The following NRG3 variants were observed in gnomAD, a reference collection of about 807,000 sequenced individuals.
NRG3 encodes the protein pro-neuregulin-3, membrane-bound isoform.
In NRG3, 31 loss-of-function variants were observed where a neutral mutation model predicts 66.9. That is an observed-to-expected ratio of 0.46 (90% CI 0.35 to 0.63). NRG3 has a LOEUF of 0.63. NRG3 is among the 20% of genes least tolerant of loss of function. The pLI is 0.00. For synonymous variants in NRG3, 393 were observed against 359.4 expected (o/e 1.09, Z -1.06); for missense variants, 910 against 878.9 (o/e 1.04, Z -0.45).
intron 3 of NRG3, among the ~76,000 whole-genome samples, chr10:82,785,867 A>G (rs1332429707): frequency 6.6e-6 from 1 of 152,198 alleles, no homozygotes; most frequent in Non-Finnish European, 1.5e-5. Context: ...GTGTTTGCTA[A>G]AGAGATTTAT....
chr10:82,816,383 C>T (rs2061704332), intron 3 of NRG3, among the ~76,000 whole-genome samples: 1 of 152,190 alleles, frequency 6.6e-6, no homozygotes, highest in Non-Finnish European at 1.5e-5. Context: ...GGCAGGTCAT[C>T]CCGATGAGTG....
intron 1 of NRG3, among the ~76,000 whole-genome samples, chr10:81,992,123 T>C (rs2060766183): frequency 6.6e-6 from 1 of 152,144 alleles, no homozygotes. Context: ...TGTCATTTTT[T>C]CATTACTGTA....
intron 1 of NRG3, among the ~76,000 whole-genome samples, chr10:82,294,074 C>G (rs1003057511): frequency 2.0e-5 from 3 of 152,072 alleles, no homozygotes; most frequent in Admixed American, 2.0e-4. Context: ...GAGAAGTATC[C>G]CATCCTATGC....
chr10:82,051,161 T>C (rs954860716), intron 1 of NRG3, among the ~76,000 whole-genome samples: 1 of 152,112 alleles, frequency 6.6e-6, no homozygotes, highest in Non-Finnish European at 1.5e-5. Flanking sequence ...TAGTTAGTAA[T>C]TGATTTTTTG....
At chr10:81,933,583 T>C (rs1002683711) in intron 1 of NRG3, among the ~76,000 whole-genome samples, 23 of 152,186 alleles carry the variant, frequency 1.5e-4, no homozygotes, top group African/African-American at 5.1e-4. Context: ...GATTCAATTA[T>C]TTTGATAATT....
intron 3 of NRG3, among the ~76,000 whole-genome samples, chr10:82,773,803 C>G (rs1409514110): frequency 6.6e-6 from 1 of 152,132 alleles, no homozygotes; most frequent in Non-Finnish European, 1.5e-5. Context: ...GAAAAGTTTA[C>G]AGTTGTTCCC....
At chr10:82,162,758 A>C (rs1402531853) in intron 1 of NRG3, among the ~76,000 whole-genome samples, 2 of 152,158 alleles carry the variant, frequency 1.3e-5, no homozygotes, top group Admixed American at 6.6e-5. Context: ...TGCAACTCAG[A>C]GCTCTTTCTA....
intron 2 of NRG3, among the ~76,000 whole-genome samples, chr10:82,730,671 G>T (rs2057856031): frequency 6.6e-6 from 1 of 152,156 alleles, no homozygotes; most frequent in Non-Finnish European, 1.5e-5. Context: ...AGATCTTCCT[G>T]TGTTAATTAG....
chr10:82,194,501 G>C (rs186272018), intron 1 of NRG3, among the ~76,000 whole-genome samples: 24 of 152,256 alleles, frequency 1.6e-4, no homozygotes, highest in African/African-American at 5.8e-4. Context: ...GTCTTCCTCT[G>C]TAATGGGAGA....
chr10:82,670,886 C>T (rs993029617), intron 2 of NRG3, among the ~76,000 whole-genome samples: 1 of 152,194 alleles, frequency 6.6e-6, no homozygotes, highest in Non-Finnish European at 1.5e-5. Flanking sequence ...AACCTGGCAT[C>T]TCCTCTCTAC....
chr10:81,953,863 A>G (rs923736262), intron 1 of NRG3, among the ~76,000 whole-genome samples: 4 of 152,108 alleles, frequency 2.6e-5, no homozygotes, highest in Non-Finnish European at 5.9e-5. Context: ...GAAGATACTG[A>G]CTCATTAACA....
At chr10:82,061,188 TA>T (rs2064122418) in intron 1 of NRG3, among the ~76,000 whole-genome samples, 1 of 151,986 alleles carries the variant, frequency 6.6e-6, no homozygotes, top group South Asian at 2.1e-4. Flanking sequence ...CTGTCTCTAC[TA>T]AAAGTACAAA....
At chr10:82,002,868 A>G (rs1407785527) in intron 1 of NRG3, among the ~76,000 whole-genome samples, 2 of 152,170 alleles carry the variant, frequency 1.3e-5, no homozygotes, top group Non-Finnish European at 2.9e-5. Flanking sequence ...TTTTAAAAAA[A>G]ATTGAGTGCT....
At chr10:82,001,909 G>A (rs186394969) in intron 1 of NRG3, among the ~76,000 whole-genome samples, 2 of 152,248 alleles carry the variant, frequency 1.3e-5, no homozygotes, top group African/African-American at 4.8e-5. Flanking sequence ...AAACAGGTTA[G>A]GATCACAAAA....
chr10:82,615,460 A>G (rs573806427), intron 2 of NRG3, among the ~76,000 whole-genome samples: 1 of 152,094 alleles, frequency 6.6e-6, no homozygotes, highest in Non-Finnish European at 1.5e-5. Context: ...AATGTTTACT[A>G]TTGCCCTTTT....
chr10:82,113,400 G>A (rs2067506697), intron 1 of NRG3, among the ~76,000 whole-genome samples: 1 of 152,168 alleles, frequency 6.6e-6, no homozygotes, highest in South Asian at 2.1e-4. Context: ...TGGAGACCAT[G>A]CCAAACATGA....
intron 1 of NRG3, among the ~76,000 whole-genome samples, chr10:82,266,943 G>A (rs1335007876): frequency 2.0e-5 from 3 of 152,116 alleles, no homozygotes; most frequent in South Asian, 4.1e-4. Flanking sequence ...TAGAGTCTAG[G>A]GGAGTGATTC....
intron 2 of NRG3, among the ~76,000 whole-genome samples, chr10:82,548,004 A>T (rs925744922): frequency 2.7e-5 from 4 of 150,790 alleles, no homozygotes; most frequent in Non-Finnish European, 5.9e-5. Context: ...ATAACCTAGA[A>T]CCTGGAGGAC....
chr10:82,824,714 A>G (rs192718055), intron 3 of NRG3, among the ~76,000 whole-genome samples: 16 of 148,788 alleles, frequency 1.1e-4, no homozygotes, highest in Admixed American at 8.7e-4. Flanking sequence ...TTTTAATTAT[A>G]GACACTTTTT....
Sources: allele counts gnomAD v4.1 joint callset (sites outside exome capture counted in the v4.1 genomes callset), GRCh38; gene constraint gnomAD v4.1.1; transcripts MANE v1.5; gene names NCBI Gene and HGNC (gene_info 2026-07-23, HGNC 2026-07-21).